The following SLC25A12 variants were observed in gnomAD, a reference collection of about 807,000 sequenced individuals.
SLC25A12 encodes electrogenic aspartate/glutamate antiporter SLC25A12, mitochondrial.
SLC25A12 carries 32 observed loss-of-function variants against 83.3 expected under a neutral mutation model. The observed-to-expected ratio is 0.38, with a 90% CI of 0.29 to 0.52. SLC25A12 has a LOEUF of 0.52. Among genes scored for constraint, SLC25A12 ranks in the 20% least tolerant of loss-of-function variants. The pLI, the probability that SLC25A12 is intolerant of heterozygous loss-of-function variation, is 0.84. For synonymous variants in SLC25A12, 267 were observed against 291.1 expected, an observed-to-expected ratio of 0.92 and a Z score of 0.84; for missense variants, 611 against 835.6, an observed-to-expected ratio of 0.73 and a Z score of 3.31.
intron 2 of SLC25A12, among the ~76,000 whole-genome samples, chr2:171,878,721 T>A (rs1335726977): frequency 6.6e-6 from 1 of 152,226 alleles, no homozygotes; most frequent in Non-Finnish European, 1.5e-5. Flanking sequence ...GTAATTCAAA[T>A]GACAATATCA....
intron 3 of SLC25A12, among the ~76,000 whole-genome samples, chr2:171,860,959 C>T (rs1317215856): frequency 6.6e-6 from 1 of 151,934 alleles, no homozygotes; most frequent in Non-Finnish European, 1.5e-5. Context: ...GTGCATGAGG[C>T]AGGCGCCTGT....
rs199696996 is a variant in SLC25A12 at position 171,815,222 on chromosome 2, T to TA, written c.931-21dup. On this transcript the variant is annotated intron_variant, in intron 9 of 17. Transcript: ENST00000422440. ...AGACTGCTGCAGAGAAGAAAACGGG[T>TA]AAAAAAAAATCTTGAAAGCGCACAC... 3.7e-4 allele frequency: 590 copies of TA among 1,578,542 alleles called. 1 individual carries two copies. In the African/African-American group the frequency reaches 3.8e-3, roughly 10 times the overall value.
intron 2 of SLC25A12, among the ~76,000 whole-genome samples, chr2:171,875,587 C>A (rs1265916309): frequency 6.6e-6 from 1 of 152,090 alleles, no homozygotes; most frequent in Non-Finnish European, 1.5e-5. Context: ...GAAGTCCAAA[C>A]CTCAGCATCA....
At chr2:171,870,049 T>A (rs1685426408) in intron 2 of SLC25A12, among the ~76,000 whole-genome samples, 1 of 152,226 alleles carries the variant, frequency 6.6e-6, no homozygotes, top group Non-Finnish European at 1.5e-5. Flanking sequence ...AATTAGAATG[T>A]GTCACAAGGG....
At chr2:171,800,999 ATTATC>A (rs1683699361) in intron 13 of SLC25A12, among the ~76,000 whole-genome samples, 1 of 152,214 alleles carries the variant, frequency 6.6e-6, no homozygotes, top group Non-Finnish European at 1.5e-5. Context: ...TGAAATGTTC[ATTATC>A]TTAGGTGGTG....
chr2:171,884,348 G>A lies in SLC25A12; in HGVS notation c.66+8857C>T, dbSNP rs1405826765. ...TGGGATTACAGGCGCCCGCCACCACGCCTGGCTAATTTTTGTATTTTTAGT... is the reference window on the plus strand; with the variant it reads ...TGGGATTACAGGCGCCCGCCACCACACCTGGCTAATTTTTGTATTTTTAGT... On this transcript the variant is annotated intron_variant, in intron 2 of 17. Coordinates refer to ENST00000422440, the MANE Select transcript of SLC25A12 (RefSeq NM_003705.5). 4.0e-5 allele frequency among the ~76,000 whole-genome samples: 6 copies of A among 151,194 alleles called. No homozygotes were observed. In the East Asian group the frequency reaches 7.9e-4, roughly 20 times the overall value.
intron 2 of SLC25A12, among the ~76,000 whole-genome samples, chr2:171,884,090 G>C (rs1232118625): frequency 7.0e-6 from 1 of 143,394 alleles, no homozygotes; most frequent in Non-Finnish European, 1.5e-5. Context: ...TTTTTGGCCA[G>C]GCTGGTCTCA....
At chr2:171,785,666 A>G (rs1448264832) in intron 17 of SLC25A12, among the ~76,000 whole-genome samples, 191 bp from the exon 18 acceptor site, 1 of 152,210 alleles carries the variant, frequency 6.6e-6, no homozygotes, top group African/African-American at 2.4e-5. Flanking sequence ...ACTTATCTAC[A>G]TATTTGATTT....
rs892017460 is a variant in SLC25A12, at chr2:171,886,421, T to C, written c.66+6784A>G. On this transcript the variant is annotated intron_variant, in intron 2 of 17. Coordinates refer to ENST00000422440, the MANE Select transcript of SLC25A12 (RefSeq NM_003705.5). ...TAGGTTTTTGTATTTTTTGTAGAGATGGGGTTTTGCCACGTTGCCTAGGCT... is the reference window on the plus strand; with the variant it reads ...TAGGTTTTTGTATTTTTTGTAGAGACGGGGTTTTGCCACGTTGCCTAGGCT... 2.0e-5 allele frequency among the ~76,000 whole-genome samples: 3 copies of C among 149,562 alleles called. No individual in the cohort carries two copies. In the East Asian group the frequency reaches 5.9e-4, roughly 30 times the overall value.
At chr2:171,805,542 C>T (rs1683807969) in intron 13 of SLC25A12, among the ~76,000 whole-genome samples, 1 of 152,116 alleles carries the variant, frequency 6.6e-6, no homozygotes, top group South Asian at 2.1e-4. Context: ...GTGGTTTGAA[C>T]CACAATTTTG....
intron 6 of SLC25A12, 81 bp from the exon 7 acceptor site, chr2:171,834,946 G>T: frequency 7.0e-7 from 1 of 1,435,884 alleles, no homozygotes; most frequent in Non-Finnish European, 9.6e-7. Context: ...TTCTCAAAGA[G>T]GATCCAAAGG....
At chr2:171,889,458 G>A (rs1364406249) in intron 2 of SLC25A12, among the ~76,000 whole-genome samples, 1 of 152,090 alleles carries the variant, frequency 6.6e-6, no homozygotes, top group Non-Finnish European at 1.5e-5. Flanking sequence ...TATTACTTCA[G>A]TAGCCTCTCA....
At chr2:171,873,508 G>C (rs1478082166) in intron 2 of SLC25A12, among the ~76,000 whole-genome samples, 1 of 151,980 alleles carries the variant, frequency 6.6e-6, no homozygotes, top group Non-Finnish European at 1.5e-5. Flanking sequence ...CAACACAGTG[G>C]GCATGAAAAA....
intron 13 of SLC25A12, among the ~76,000 whole-genome samples, chr2:171,800,237 T>C (rs1365899450): frequency 1.3e-5 from 2 of 152,166 alleles, no homozygotes; most frequent in Non-Finnish European, 2.9e-5. Context: ...GACAAAGGGC[T>C]GTATCCATGA....
At chr2:171,847,700 G>T (rs954701092) in intron 4 of SLC25A12, among the ~76,000 whole-genome samples, 1 of 152,180 alleles carries the variant, frequency 6.6e-6, no homozygotes, top group African/African-American at 2.4e-5. Flanking sequence ...TTTATACTAG[G>T]TTGGCATAGC....
At position 171,810,078 on chromosome 2, in the gene SLC25A12, G is replaced by A. The variant is rs1558914679; in HGVS notation, c.1224+146C>T. On this transcript the variant is annotated intron_variant, in intron 12 of 17. Transcript: ENST00000422440. ...GCTGAGTTCTTACTATGCTTATGCTGGTTTAGAACTGGTCTCAAGTGATCC... is the reference window on the plus strand; with the variant it reads ...GCTGAGTTCTTACTATGCTTATGCTAGTTTAGAACTGGTCTCAAGTGATCC... The A allele has an allele frequency of 1.1e-5, 8 of 715,480 alleles. No individual in the cohort carries two copies. The Middle Eastern group carries it at 1.5e-3, about 131-fold the overall frequency. 44.3% of individuals were successfully genotyped at this position (715,480 alleles called of 1,614,324 possible).
chr2:171,885,105 C>G (rs556574440), intron 2 of SLC25A12, among the ~76,000 whole-genome samples: 17 of 148,380 alleles, frequency 1.1e-4, no homozygotes, highest in Non-Finnish European at 1.9e-4. Flanking sequence ...CCCAGCTACT[C>G]GGGAGGCTGA....
chr2:171,844,451 C>A lies in SLC25A12; in HGVS notation c.383G>T (p.Trp128Leu). 6.2e-7 allele frequency: 1 copy of A among 1,611,922 alleles called. No homozygotes were observed. The highest frequency in any genetic ancestry group is 8.5e-7 in the Non-Finnish European group (1 of 1,178,110). Reference sequence around the variant, plus strand: ...ATGCAGTCGGATAAATTCACAATCCCAGTTAAAAGGGATATGATGATGAAT... The same window carrying A: ...ATGCAGTCGGATAAATTCACAATCCAAGTTAAAAGGGATATGATGATGAAT... ...TIIHHHIPFN[W>L]DCEFIRLHFG... The change falls in exon 5 of 18, where the codon TGG (tryptophan) becomes TTG (leucine). Residue 128 changes from tryptophan (W) to leucine (L), a missense_variant. Transcript: ENST00000422440.
At chr2:171,880,984 T>A (rs1685681680) in intron 2 of SLC25A12, among the ~76,000 whole-genome samples, 1 of 152,204 alleles carries the variant, frequency 6.6e-6, no homozygotes, top group South Asian at 2.1e-4. Flanking sequence ...ATCTGTAAAA[T>A]GGGAATACTA....
Sources: allele counts gnomAD v4.1 joint callset (sites outside exome capture counted in the v4.1 genomes callset), GRCh38; gene constraint gnomAD v4.1.1; transcripts MANE v1.5; gene names NCBI Gene and HGNC (gene_info 2026-07-23, HGNC 2026-07-21).